Variants in SRP19 observed in about 807,000 individuals in gnomAD.
SRP19 encodes signal recognition particle 19.
A neutral mutation model predicts 22.4 loss-of-function variants in SRP19; 11 were observed. The ratio of observed to expected loss-of-function variants is 0.49; its 90% confidence interval spans 0.31 to 0.81. The LOEUF is 0.81. Among genes scored for constraint, SRP19 ranks in the 40% least tolerant of loss-of-function variants. The pLI, the probability that SRP19 is intolerant of heterozygous loss-of-function variation, is 0.05. For missense variants in SRP19, 168 were observed against 175.9 expected, an observed-to-expected ratio of 0.96 and a Z score of 0.25; for synonymous variants, 61 against 57.6, an observed-to-expected ratio of 1.06 and a Z score of -0.27.
rs1767446704 is a variant in SRP19 at position 112,862,586 on chromosome 5, A to G, written c.117+3A>G. 2 of 1,613,278 alleles carry G rather than the reference A, an allele frequency of 1.2e-6. No homozygotes were observed. Among genetic ancestry groups the G allele is most frequent in the Non-Finnish European group, 1.7e-6 (2 of 1,179,730 alleles). On this transcript the variant is annotated splice_donor_region_variant and intron_variant, in intron 2 of 4. Transcript: ENST00000505459. Reference sequence around the variant, plus strand: ...GAAGGCGAATCCCCATAAGTAAGGTAAGCAAGATGGCTGGCACCTTGATCC... The same window carrying G: ...GAAGGCGAATCCCCATAAGTAAGGTGAGCAAGATGGCTGGCACCTTGATCC...
chr5:112,888,667 G>T lies in SRP19; in HGVS notation c.302-2936G>T, dbSNP rs978454917. ...CCCCTTATCTCAACTACAGTAAAAA[G>T]TAACTCTTGAAATGTAACCTTTGTG... is the stretch of plus-strand genomic sequence containing the variant. On this transcript the variant is annotated intron_variant, in intron 4 of 4. Transcript: ENST00000391338. Among the ~76,000 whole-genome samples the T allele has an allele frequency of 8.7e-5, 13 of 149,206 alleles. 1 individual carries two copies. Among genetic ancestry groups the T allele is most frequent in the Admixed American group, 8.7e-4 (13 of 14,988 alleles).
At chr5:112,877,691 A>C (rs1455294225) in intron 4 of SRP19, 2 of 152,128 alleles carry the variant, frequency 1.3e-5, no homozygotes, top group South Asian at 2.1e-4. Flanking sequence ...ACTTCCTTTC[A>C]TTCTCCCAGA....
chr5:112,886,922 G>T, intron 4 of SRP19: 3 of 900,102 alleles, frequency 3.3e-6, no homozygotes, highest in Non-Finnish European at 5.1e-6. Flanking sequence ...CTGAGGGGTG[G>T]TGATAAGACA....
At chr5:112,897,386 CACACACACAA>C, downstream of SRP19, 1 of 143,660 alleles carries the variant, frequency 7.0e-6, no homozygotes, top group South Asian at 2.2e-4. Context: ...CACACACACA[CACACACACAA>C]ATGTAAACAG....
At chr5:112,886,990 G>A in intron 4 of SRP19, 2 of 1,557,166 alleles carry the variant, frequency 1.3e-6, no homozygotes, top group Non-Finnish European at 1.8e-6. Flanking sequence ...CTCACATGTG[G>A]GGCCATCTTG....
Position 112,861,410 on chromosome 5 carries a change from C to A in SRP19, c.34C>A (p.Gln12Lys). Residue 12 changes from glutamine to lysine, a missense_variant, in exon 1 of 5, where the codon CAG (glutamine) becomes AAG (lysine). Physicochemically the swap from Gln to Lys is moderately conservative, Grantham distance 53. Coordinates refer to ENST00000505459, the MANE Select transcript of SRP19 (RefSeq NM_003135.3). ...ACAAARSPAD[Q>K]DRFICIYPAY... ...CGCTGCCGCGCGGTCCCCGGCCGAC[C>A]AGGACAGGTGGGTTCTGAGGCGGTG... 6.2e-7 allele frequency: 1 copy of A among 1,614,080 alleles called. No homozygotes were observed. Among genetic ancestry groups the A allele is most frequent in the Non-Finnish European group, 8.5e-7 (1 of 1,180,002 alleles).
At chr5:112,885,475 A>G (rs145165803) in intron 4 of SRP19, 4 of 194,992 alleles carry the variant, frequency 2.1e-5, no homozygotes, top group East Asian at 1.4e-4. Context: ...AATTCCATCT[A>G]TTTGATGCTT....
chr5:112,864,564 C>A (rs1183151242), intron 3 of SRP19, 36 bp downstream of exon 3: 1 of 1,611,116 alleles, frequency 6.2e-7, no homozygotes, highest in African/African-American at 1.3e-5. Flanking sequence ...CCATACTCAT[C>A]TAATTGATGT....
intron 4 of SRP19, among the ~76,000 whole-genome samples, chr5:112,887,507 A>T (rs1344024682): frequency 6.6e-6 from 1 of 152,158 alleles, no homozygotes; most frequent in African/African-American, 2.4e-5. Flanking sequence ...CTTAGAAATC[A>T]ATTTAAGAAA....
chr5:112,892,952 A>T, exon 5 of SRP19: 1 of 1,597,084 alleles, frequency 6.3e-7, no homozygotes. Context: ...AGCTGGGACC[A>T]GGGCCGCCGG....
At chr5:112,890,052 C>T (rs989647683) in intron 4 of SRP19, among the ~76,000 whole-genome samples, 3 of 150,338 alleles carry the variant, frequency 2.0e-5, no homozygotes, top group African/African-American at 7.5e-5. Context: ...GTCTTGAACT[C>T]CTGACCTCAA....
intron 4 of SRP19, 181 bp from the exon 5 acceptor site, chr5:112,867,223 C>A: frequency 3.3e-6 from 2 of 613,518 alleles, no homozygotes; most frequent in Non-Finnish European, 5.4e-6. Flanking sequence ...TTCTCACTCT[C>A]AGTACATTTC....
At chr5:112,861,490 C>T (rs1177135956) in intron 1 of SRP19, 73 bp downstream of exon 1, 2 of 1,523,128 alleles carry the variant, frequency 1.3e-6, no homozygotes, top group Admixed American at 1.9e-5. Flanking sequence ...CACCGCGCTT[C>T]TCCGCTCCGC....
chr5:112,861,611 T>TC (rs772641572), intron 1 of SRP19, among the ~76,000 whole-genome samples, 194 bp downstream of exon 1: 2 of 152,342 alleles, frequency 1.3e-5, no homozygotes, highest in Non-Finnish European at 2.9e-5. Flanking sequence ...TTCTCAGGGC[T>TC]CCTGAAATTC....
intron 4 of SRP19, among the ~76,000 whole-genome samples, chr5:112,876,144 C>T (rs924539600): frequency 5.9e-5 from 9 of 151,962 alleles, no homozygotes; most frequent in Non-Finnish European, 1.2e-4. Flanking sequence ...ACAGTGGATT[C>T]GGTTTCCTTT....
downstream of SRP19, among the ~76,000 whole-genome samples, chr5:112,872,543 G>A (rs1767781779): frequency 6.6e-6 from 1 of 152,024 alleles, no homozygotes; most frequent in Non-Finnish European, 1.5e-5. Flanking sequence ...TGGCCAGGCT[G>A]GTCTCCAACT....
At chr5:112,891,084 T>A (rs1768429154) in intron 4 of SRP19, among the ~76,000 whole-genome samples, 1 of 150,432 alleles carries the variant, frequency 6.6e-6, no homozygotes, top group Non-Finnish European at 1.5e-5. Flanking sequence ...TTTTATTTTT[T>A]ATTTTTGAGA....
intron 2 of SRP19, among the ~76,000 whole-genome samples, chr5:112,863,619 A>G (rs368193857): frequency 2.0e-5 from 3 of 152,240 alleles, no homozygotes; most frequent in African/African-American, 4.8e-5. Context: ...TGTCTCCTCT[A>G]TAGTATCGCA....
chr5:112,867,221 C>T (rs992124165), intron 4 of SRP19, 183 bp from the exon 5 acceptor site: 5 of 616,298 alleles, frequency 8.1e-6, no homozygotes, highest in Non-Finnish European at 1.3e-5. Flanking sequence ...TATTCTCACT[C>T]TCAGTACATT....
Sources: allele counts gnomAD v4.1 joint callset (sites outside exome capture counted in the v4.1 genomes callset), GRCh38; gene constraint gnomAD v4.1.1; transcripts MANE v1.5; gene names NCBI Gene and HGNC (gene_info 2026-07-23, HGNC 2026-07-21).